Variants in SLC25A26 observed in about 807,000 individuals in gnomAD.
SLC25A26 encodes the protein mitochondrial S-adenosylmethionine carrier protein.
A neutral mutation model predicts 37.8 loss-of-function variants in SLC25A26; 36 were observed. The observed-to-expected ratio is 0.95, with a 90% CI of 0.73 to 1.26. The LOEUF (loss-of-function observed/expected upper bound fraction) is 1.26. SLC25A26 is among the 50% of genes most tolerant of loss of function. The pLI is 0.00. For missense variants in SLC25A26, 390 were observed against 331.1 expected (o/e 1.18, Z -1.38); for synonymous variants, 129 against 122.5 (o/e 1.05, Z -0.35).
intron 5 of SLC25A26, among the ~76,000 whole-genome samples, chr3:66,270,934 T>G (rs1249439823): frequency 6.6e-6 from 1 of 152,212 alleles, no homozygotes; most frequent in Non-Finnish European, 1.5e-5. Flanking sequence ...CGCTGTGAAG[T>G]GACTTGAAAA....
intron 1 of SLC25A26, among the ~76,000 whole-genome samples, chr3:66,221,820 T>G (rs1553658547): frequency 6.6e-6 from 1 of 150,436 alleles, no homozygotes; most frequent in African/African-American, 2.5e-5. Flanking sequence ...AAAACAGAGT[T>G]TGGCTGCCTA....
At chr3:66,289,355 T>A (rs186614779) in intron 5 of SLC25A26, among the ~76,000 whole-genome samples, 1 of 152,334 alleles carries the variant, frequency 6.6e-6, no homozygotes, top group East Asian at 1.9e-4. Context: ...ATTTTGGCTT[T>A]GTTGCCATTG....
chr3:66,364,493 C>A (rs1232375795), intron 7 of SLC25A26, among the ~76,000 whole-genome samples: 1 of 152,164 alleles, frequency 6.6e-6, no homozygotes, highest in African/African-American at 2.4e-5. Flanking sequence ...AGCTGTGTGA[C>A]TTACAGGATT....
intron 5 of SLC25A26, among the ~76,000 whole-genome samples, chr3:66,285,335 G>A (rs915457952): frequency 6.6e-5 from 10 of 151,616 alleles, no homozygotes; most frequent in African/African-American, 2.4e-4. Flanking sequence ...TGCTATGTGA[G>A]TTGTTTACCT....
rs190684588 is a variant in SLC25A26 at position 66,264,416 on chromosome 3, C to T, written c.453+1037C>T. 9.9e-5 allele frequency among the ~76,000 whole-genome samples: 15 copies of T among 152,242 alleles called. No individual in the cohort carries two copies. The East Asian group carries it at 1.5e-3, about 16-fold the overall frequency. On this transcript the variant is annotated intron_variant, in intron 5 of 9. Coordinates refer to ENST00000354883, the MANE Select transcript of SLC25A26 (RefSeq NM_001379210.1). ...CCAGGGCCGTGGACGTGTACTGGTCCGTGGCCTGGTACTAGTCTGTGGCCT... is the reference window on the plus strand; with the variant it reads ...CCAGGGCCGTGGACGTGTACTGGTCTGTGGCCTGGTACTAGTCTGTGGCCT...
chr3:66,345,538 G>A (rs1046028257), intron 5 of SLC25A26, among the ~76,000 whole-genome samples: 2 of 140,490 alleles, frequency 1.4e-5, no homozygotes, highest in African/African-American at 5.4e-5. Flanking sequence ...CCTCCTTCCT[G>A]CTTCCTTTTT....
At chr3:66,359,421 A>G (rs756063347) in intron 6 of SLC25A26, among the ~76,000 whole-genome samples, 5 of 152,230 alleles carry the variant, frequency 3.3e-5, no homozygotes, top group African/African-American at 7.2e-5. Context: ...TTCTTATCAC[A>G]TTCACATCTT....
At chr3:66,305,761 A>C (rs536571720) in intron 5 of SLC25A26, among the ~76,000 whole-genome samples, 2 of 152,220 alleles carry the variant, frequency 1.3e-5, no homozygotes, top group African/African-American at 4.8e-5. Context: ...TGCAGTGAAC[A>C]TACATGTGCG....
chr3:66,370,179 C>T (rs953781476), intron 8 of SLC25A26, among the ~76,000 whole-genome samples: 1 of 152,210 alleles, frequency 6.6e-6, no homozygotes, highest in African/African-American at 2.4e-5. Flanking sequence ...TTATTAGCTG[C>T]TTATGCAGGT....
chr3:66,355,119 A>G (rs185996877), intron 6 of SLC25A26, among the ~76,000 whole-genome samples: 1 of 152,274 alleles, frequency 6.6e-6, no homozygotes, highest in East Asian at 1.9e-4. Flanking sequence ...AGTTCCAAAA[A>G]TATCACTGTA....
chr3:66,326,024 C>A (rs1017527318), intron 5 of SLC25A26, among the ~76,000 whole-genome samples: 12 of 152,084 alleles, frequency 7.9e-5, no homozygotes, highest in African/African-American at 2.9e-4. Flanking sequence ...TTTAGGAGAT[C>A]AAATTCACAA....
intron 1 of SLC25A26, among the ~76,000 whole-genome samples, chr3:66,177,581 T>C (rs561455571): frequency 1.3e-5 from 2 of 152,336 alleles, no homozygotes; most frequent in South Asian, 4.1e-4. Context: ...ATGTAGAGCC[T>C]ATGCTGTGGG....
chr3:66,241,298 A>C (rs2072573738), intron 2 of SLC25A26, among the ~76,000 whole-genome samples: 1 of 152,144 alleles, frequency 6.6e-6, no homozygotes, highest in South Asian at 2.1e-4. Context: ...TCCCAGGATG[A>C]TTCTTAAATT....
chr3:66,290,228 G>C (rs771478723), intron 5 of SLC25A26, among the ~76,000 whole-genome samples: 1 of 152,154 alleles, frequency 6.6e-6, no homozygotes, highest in Non-Finnish European at 1.5e-5. Context: ...AGTCGATGGG[G>C]TTTTCCAAAT....
chr3:66,181,034 C>T (rs2070695999), intron 1 of SLC25A26, among the ~76,000 whole-genome samples: 1 of 152,198 alleles, frequency 6.6e-6, no homozygotes, highest in South Asian at 2.1e-4. Flanking sequence ...AGAGAGCCTT[C>T]ACCAGAAACC....
At chr3:66,230,674 T>G (rs1456106528) in intron 1 of SLC25A26, among the ~76,000 whole-genome samples, 1 of 151,538 alleles carries the variant, frequency 6.6e-6, no homozygotes, top group Non-Finnish European at 1.5e-5. Context: ...GCATGGTGGC[T>G]CACGCCTGTA....
At chr3:66,225,821 C>A (rs1434128613) in intron 1 of SLC25A26, among the ~76,000 whole-genome samples, 1 of 152,162 alleles carries the variant, frequency 6.6e-6, no homozygotes, top group Non-Finnish European at 1.5e-5. Context: ...CAAAATGCTG[C>A]CAGTCTCTTT....
At chr3:66,302,651 T>G (rs2107564483) in intron 5 of SLC25A26, among the ~76,000 whole-genome samples, 1 of 152,306 alleles carries the variant, frequency 6.6e-6, no homozygotes, top group African/African-American at 2.4e-5. Context: ...AAAACATACA[T>G]TAGTTAAAAT....
rs115585798 is a variant in SLC25A26 at position 66,366,754 on chromosome 3, T to C, written c.569-2724T>C. Among the ~76,000 whole-genome samples the C allele has an allele frequency of 5.1e-3, 782 of 152,316 alleles. 12 individuals are homozygous for C. The highest frequency in any genetic ancestry group is 0.014 in the African/African-American group (573 of 41,582). On this transcript the variant is annotated intron_variant, in intron 7 of 9. Coordinates refer to ENST00000354883, the MANE Select transcript of SLC25A26 (RefSeq NM_001379210.1). ...ACATTTTCACATACGAAAGTGGGTT[T>C]AACAATTGGACAAATTTTAATTTGT...
Sources: allele counts gnomAD v4.1 joint callset (sites outside exome capture counted in the v4.1 genomes callset), GRCh38; gene constraint gnomAD v4.1.1; transcripts MANE v1.5; gene names NCBI Gene and HGNC (gene_info 2026-07-23, HGNC 2026-07-21).